The following NRG3 variants were observed in gnomAD, a reference collection of about 807,000 sequenced individuals.
NRG3 encodes the protein pro-neuregulin-3, membrane-bound isoform.
NRG3 carries 31 observed loss-of-function variants against 66.9 expected under a neutral mutation model. That is an observed-to-expected ratio of 0.46 (90% confidence interval 0.35 to 0.63). NRG3 has a LOEUF of 0.63. Ranked by LOEUF, NRG3 falls within the 20% of genes least tolerant of loss-of-function variation. The probability of loss-of-function intolerance (pLI) is 0.00; values close to 1 mark genes in which losing one functional copy is unlikely to be tolerated. For synonymous variants in NRG3, 393 were observed against 359.4 expected, an observed-to-expected ratio of 1.09 and a Z score of -1.06; for missense variants, 910 against 878.9, an observed-to-expected ratio of 1.04 and a Z score of -0.45.
At chr10:82,343,341 A>G (rs560823138) in intron 1 of NRG3, among the ~76,000 whole-genome samples, 16 of 152,136 alleles carry the variant, frequency 1.1e-4, no homozygotes, top group Non-Finnish European at 2.1e-4. Flanking sequence ...GCATACATTT[A>G]ATGAAGGAAG....
chr10:82,109,075 A>T (rs12255261), intron 1 of NRG3, among the ~76,000 whole-genome samples: 41,389 of 152,044 alleles, frequency 0.27, 6,332 homozygotes, highest in African/African-American at 0.42. Context: ...AGCCTGGCAC[A>T]CAGATGGGAT....
chr10:82,245,067 C>A (rs61863011), intron 1 of NRG3, among the ~76,000 whole-genome samples: 12,385 of 152,130 alleles, frequency 0.081, 650 homozygotes, highest in Non-Finnish European at 0.12. Flanking sequence ...TTTATATTAT[C>A]ATTACATTGT....
intron 1 of NRG3, among the ~76,000 whole-genome samples, chr10:82,249,416 T>C (rs557516742): frequency 2.0e-5 from 3 of 152,320 alleles, no homozygotes; most frequent in South Asian, 4.1e-4. Context: ...AGGGTACTTA[T>C]GGAGATTCTT....
At chr10:82,921,470 G>T (rs1846414986) in intron 4 of NRG3, among the ~76,000 whole-genome samples, 1 of 152,124 alleles carries the variant, frequency 6.6e-6, no homozygotes, top group Admixed American at 6.5e-5. Context: ...CTTCAGTGTT[G>T]ATTCATTCAT....
chr10:82,873,172 C>T (rs1157979683), intron 4 of NRG3, among the ~76,000 whole-genome samples: 3 of 152,070 alleles, frequency 2.0e-5, no homozygotes, highest in Non-Finnish European at 4.4e-5. Flanking sequence ...ACAGCAAATA[C>T]TGATCTGCAA....
At chr10:82,933,394 G>A (rs933650695) in intron 4 of NRG3, among the ~76,000 whole-genome samples, 8 of 152,278 alleles carry the variant, frequency 5.3e-5, no homozygotes, top group East Asian at 3.9e-4. Context: ...TGTTCCTAAT[G>A]TCTTCTCTGA....
chr10:82,532,247 A>T (rs1213578720), intron 2 of NRG3, among the ~76,000 whole-genome samples: 1 of 151,586 alleles, frequency 6.6e-6, no homozygotes, highest in Non-Finnish European at 1.5e-5. Flanking sequence ...CTTCTATCTG[A>T]CTATATGTTT....
At chr10:82,180,461 A>AT (rs2073338503) in intron 1 of NRG3, among the ~76,000 whole-genome samples, 4 of 151,616 alleles carry the variant, frequency 2.6e-5, no homozygotes, top group Non-Finnish European at 4.4e-5. Flanking sequence ...AGAACATTAA[A>AT]TTTTTTCAAA....
chr10:82,883,107 A>G (rs928120027), intron 4 of NRG3, among the ~76,000 whole-genome samples: 10 of 152,210 alleles, frequency 6.6e-5, no homozygotes, highest in African/African-American at 2.4e-4. Context: ...ATCGTTTCAA[A>G]TGTAGTTACA....
At chr10:82,199,281 T>C (rs1328219834) in intron 1 of NRG3, among the ~76,000 whole-genome samples, 2 of 152,162 alleles carry the variant, frequency 1.3e-5, no homozygotes, top group African/African-American at 4.8e-5. Flanking sequence ...TTGCCTATTA[T>C]GATGTATAAT....
At chr10:82,093,475 A>C (rs951436232) in intron 1 of NRG3, among the ~76,000 whole-genome samples, 3 of 152,312 alleles carry the variant, frequency 2.0e-5, no homozygotes, top group Admixed American at 1.3e-4. Flanking sequence ...ATTCCAGTTT[A>C]ATTAACCATA....
chr10:82,047,269 G>A (rs1211922941), intron 1 of NRG3, among the ~76,000 whole-genome samples: 1 of 151,872 alleles, frequency 6.6e-6, no homozygotes, highest in Non-Finnish European at 1.5e-5. Context: ...GATACTCCTC[G>A]AGAAGAGCAA....
At chr10:82,065,132 C>A (rs1040996737) in intron 1 of NRG3, among the ~76,000 whole-genome samples, 2 of 152,134 alleles carry the variant, frequency 1.3e-5, no homozygotes, top group African/African-American at 4.8e-5. Context: ...CTTTAAAACT[C>A]ACTGACTTTC....
chr10:81,994,416 A>G (rs1208529778), intron 1 of NRG3, among the ~76,000 whole-genome samples: 7 of 152,180 alleles, frequency 4.6e-5, no homozygotes, highest in Non-Finnish European at 1.0e-4. Flanking sequence ...ATTTAAAAAA[A>G]TCATTGAGCA....
intron 3 of NRG3, among the ~76,000 whole-genome samples, chr10:82,839,842 A>G (rs912751021): frequency 6.6e-6 from 1 of 152,150 alleles, no homozygotes; most frequent in Admixed American, 6.6e-5. Context: ...TTAAAAATTA[A>G]GTGAATATCT....
chr10:82,502,607 A>T (rs1194157463), intron 2 of NRG3, among the ~76,000 whole-genome samples: 1 of 152,234 alleles, frequency 6.6e-6, no homozygotes, highest in Non-Finnish European at 1.5e-5. Context: ...CGAAGTCAGG[A>T]AATATAAACT....
intron 2 of NRG3, among the ~76,000 whole-genome samples, chr10:82,533,453 A>ATTT (rs57767750): frequency 2.0e-5 from 3 of 148,958 alleles, no homozygotes; most frequent in African/African-American, 7.4e-5. Flanking sequence ...ATCCGTTTTG[A>ATTT]TTTTTTTTTT....
At chr10:82,398,319 T>C (rs1057435122) in intron 2 of NRG3, among the ~76,000 whole-genome samples, 3 of 151,974 alleles carry the variant, frequency 2.0e-5, no homozygotes, top group Admixed American at 1.3e-4. Flanking sequence ...GTGATTACAA[T>C]CTAGGAAGGT....
At chr10:82,199,241 T>G (rs1301710949) in intron 1 of NRG3, among the ~76,000 whole-genome samples, 1 of 151,994 alleles carries the variant, frequency 6.6e-6, no homozygotes, top group Non-Finnish European at 1.5e-5. Context: ...TACTAATTAT[T>G]TAATTCATTA....
Sources: allele counts gnomAD v4.1 joint callset (sites outside exome capture counted in the v4.1 genomes callset), GRCh38; gene constraint gnomAD v4.1.1; transcripts MANE v1.5; gene names NCBI Gene and HGNC (gene_info 2026-07-23, HGNC 2026-07-21).